Variants in MAGEA4 observed in about 807,000 individuals in gnomAD.
The protein encoded by MAGEA4 is MAGE family member A4, also known as melanoma-associated antigen 4.
A neutral mutation model predicts 13.7 loss-of-function variants in MAGEA4; 1 was observed. The observed-to-expected ratio is 0.07, with a 90% confidence interval of 0.03 to 0.35. The LOEUF is 0.35. Ranked by LOEUF, MAGEA4 falls within the 10% of genes least tolerant of loss-of-function variation. The pLI is 0.99. For synonymous variants in MAGEA4, 132 were observed against 101.1 expected, an observed-to-expected ratio of 1.31 and a Z score of -1.83; for missense variants, 312 against 245.1, an observed-to-expected ratio of 1.27 and a Z score of -1.82.
chrX:151,919,185 C>T (rs1338331303), intron 1 of MAGEA4: 1 of 324,195 alleles, frequency 3.1e-6, no homozygotes, highest in Admixed American at 9.7e-5. Flanking sequence ...TCTGAAGTCA[C>T]ATGGGACTCT....
At chrX:151,923,356 C>G in intron 1 of MAGEA4, 97 bp from the exon 2 acceptor site, 1 of 637,150 alleles carries the variant, frequency 1.6e-6, no homozygotes, top group Non-Finnish European at 2.3e-6. Flanking sequence ...ACATAGGACT[C>G]CAAAGAGTCT....
upstream of MAGEA4, chrX:151,912,882 G>A: frequency 7.6e-6 from 1 of 131,639 alleles, no homozygotes; most frequent in South Asian, 2.1e-4. Context: ...CTTGCGCACT[G>A]GGGGTTAGAG....
At position 151,924,104 on chromosome X, in the gene MAGEA4, G is replaced by A; in HGVS notation, c.440G>A (p.Cys147Tyr). 8.2e-7 allele frequency: 1 copy of A among 1,212,172 alleles called. No homozygotes were observed. Among genetic ancestry groups the A allele is most frequent in the Non-Finnish European group, 1.1e-6 (1 of 895,662 alleles). The stretch of plus-strand genomic sequence containing the variant: ...AGAGTCATCAAAAATTACAAGCGCT[G>A]CTTTCCTGTGATCTTCGGCAAAGCC... ...LERVIKNYKR[C>Y]FPVIFGKASE... is the part of the protein sequence containing the mutation. The change falls in exon 3 of 3, where the codon TGC becomes TAC. Residue 147 changes from cysteine (C) to tyrosine (Y), a missense_variant. By Grantham distance (194) the Cys-to-Tyr change is radical (BLOSUM62 -2). Coordinates refer to ENST00000276344, the MANE Select transcript of MAGEA4 (RefSeq NM_001011548.1).
Position 151,923,808 on chromosome X carries a change from T to A in MAGEA4, c.144T>A (p.Pro48=). 8.3e-7 allele frequency: 1 copy of A among 1,209,054 alleles called. No individual in the cohort carries two copies. ...AAVSSSSPLV[P]GTLEEVPAAE... ...TCTCCTCCTCCTCTCCTCTGGTCCC[T>A]GGCACCCTGGAGGAAGTGCCTGCTG... The change falls in exon 3 of 3, where the codon CCT becomes CCA. Residue 48 remains proline (P), a synonymous_variant. Coordinates refer to ENST00000276344, the MANE Select transcript of MAGEA4 (RefSeq NM_001011548.1).
At chrX:151,923,418 T>C in intron 1 of MAGEA4, 35 bp from the exon 2 acceptor site, 4 of 1,134,039 alleles carry the variant, frequency 3.5e-6, no homozygotes, top group Non-Finnish European at 4.7e-6. Context: ...GCTGGCCGGC[T>C]ATACCCTGAG....
chrX:151,921,031 G>A (rs1435896518), intron 1 of MAGEA4, among the ~76,000 whole-genome samples: 1 of 112,059 alleles, frequency 8.9e-6, no homozygotes, highest in Non-Finnish European at 1.9e-5. Context: ...GATCAGGGAA[G>A]GGCTGGTTAG....
Position 151,923,594 on chromosome X carries a change from C to A in MAGEA4, c.-65-6C>A. ...GAGGTCTCTCACATGCTCCCTCTCTCCGTAGGCCTGTGGGTCCCCATTGCC... is the reference window on the plus strand; with the variant it reads ...GAGGTCTCTCACATGCTCCCTCTCTACGTAGGCCTGTGGGTCCCCATTGCC... On this transcript the variant is annotated splice_region_variant and splice_polypyrimidine_tract_variant and intron_variant, in intron 2 of 2. Transcript: ENST00000276344. The A allele has an allele frequency of 8.3e-7, 1 of 1,210,929 alleles. No individual in the cohort carries two copies. Among genetic ancestry groups the A allele is most frequent in the Non-Finnish European group, 1.1e-6 (1 of 895,370 alleles).
At position 151,923,992 on chromosome X, in the gene MAGEA4, C is replaced by G. The variant is rs1444188064; in HGVS notation, c.328C>G (p.Leu110Val). The G allele has an allele frequency of 1.7e-6, 2 of 1,210,664 alleles. No homozygotes were observed. The highest frequency in any genetic ancestry group is 1.1e-6 in the Non-Finnish European group (1 of 895,350). ...PDAESLFREA[L>V]SNKVDELAHF... ...CGCAGAGTCCTTGTTCCGAGAAGCACTCAGTAACAAGGTGGATGAGTTGGC... is the reference window on the plus strand; with the variant it reads ...CGCAGAGTCCTTGTTCCGAGAAGCAGTCAGTAACAAGGTGGATGAGTTGGC... The change falls in exon 3 of 3, where the codon CTC becomes GTC. Residue 110 changes from leucine (L) to valine (V), a missense_variant. By Grantham distance (32) the Leu-to-Val change is conservative. Coordinates refer to ENST00000276344, the MANE Select transcript of MAGEA4 (RefSeq NM_001011548.1).
intron 1 of MAGEA4, among the ~76,000 whole-genome samples, 198 bp from the exon 2 acceptor site, chrX:151,923,255 T>C (rs1294968462): frequency 1.8e-5 from 2 of 112,256 alleles, no homozygotes; most frequent in East Asian, 5.6e-4. Flanking sequence ...TGAGACAGTG[T>C]CCTCAGGTTA....
intron 1 of MAGEA4, chrX:151,918,914 C>G (rs1284336365): frequency 1.4e-6 from 1 of 734,014 alleles, no homozygotes; most frequent in Non-Finnish European, 1.6e-6. Context: ...CCCAAGAAAG[C>G]CCCAGGGGCC....
chrX:151,920,943 T>G (rs2124102988), intron 1 of MAGEA4, among the ~76,000 whole-genome samples: 1 of 110,520 alleles, frequency 9.0e-6, no homozygotes, highest in South Asian at 3.9e-4. Context: ...CTTCTCAGAC[T>G]GGGCTGCTCC....
intron 1 of MAGEA4, 44 bp from the exon 2 acceptor site, chrX:151,923,409 C>T (rs752353797): frequency 1.8e-6 from 2 of 1,092,727 alleles, no homozygotes; most frequent in Non-Finnish European, 2.5e-6. Flanking sequence ...TCGACCTCTG[C>T]TGGCCGGCTA....
Position 151,923,802 on chromosome X carries a change from G to A in MAGEA4, c.138G>A (p.Leu46=). 8.3e-7 allele frequency: 1 copy of A among 1,208,821 alleles called. No homozygotes were observed. The highest frequency in any genetic ancestry group is 1.8e-5 in the South Asian group (1 of 56,474). Residue 46 remains leucine (L), a synonymous_variant, in exon 3 of 3, where the codon CTG becomes CTA. Transcript: ENST00000276344. ...QEAAVSSSSP[L]VPGTLEEVPA... ...CTGCTGTCTCCTCCTCCTCTCCTCT[G>A]GTCCCTGGCACCCTGGAGGAAGTGC...
chrX:151,921,726 C>T (rs959156751), intron 1 of MAGEA4, among the ~76,000 whole-genome samples: 4 of 112,005 alleles, frequency 3.6e-5, no homozygotes, highest in Non-Finnish European at 7.5e-5. Context: ...ACATCCACAT[C>T]GAGGGCTGAA....
In MAGEA4 at chrX:151,924,795, T is replaced by C; in HGVS notation, c.*177T>C. On this transcript the variant is annotated 3_prime_UTR_variant, in exon 3 of 3. Coordinates refer to ENST00000276344, the MANE Select transcript of MAGEA4 (RefSeq NM_001011548.1). ...CTATTTTGTTGGATGACTTGGAGATTTATCTCTGTTTCCTTTTACAATTGT... is the reference window on the plus strand; with the variant it reads ...CTATTTTGTTGGATGACTTGGAGATCTATCTCTGTTTCCTTTTACAATTGT... 2.3e-6 allele frequency: 1 copy of C among 428,932 alleles called. No individual in the cohort carries two copies. The highest frequency in any genetic ancestry group is 3.8e-6 in the Non-Finnish European group (1 of 261,805). 35.3% of individuals were successfully genotyped at this position (428,932 alleles called of 1,213,427 possible). A position where few individuals can be genotyped will look rare whatever the true frequency, so the allele number is the denominator to read the frequency against.
intron 1 of MAGEA4, among the ~76,000 whole-genome samples, chrX:151,922,218 A>C (rs898160915): frequency 2.7e-5 from 3 of 111,717 alleles, no homozygotes; most frequent in Non-Finnish European, 5.7e-5. Flanking sequence ...ACGGGACCCC[A>C]CAGAGTCTGG....
chrX:151,919,559 C>G (rs1933302858), intron 1 of MAGEA4: 33 of 632,102 alleles, frequency 5.2e-5, no homozygotes, highest in Non-Finnish European at 5.8e-5. Context: ...CCCATCCACG[C>G]TGAATCGGGT....
intron 1 of MAGEA4, among the ~76,000 whole-genome samples, chrX:151,921,441 G>A (rs1933433769): frequency 8.9e-6 from 1 of 112,122 alleles, no homozygotes; most frequent in African/African-American, 3.2e-5. Flanking sequence ...TGGACCACCC[G>A]GGGGAAGACT....
intron 1 of MAGEA4, among the ~76,000 whole-genome samples, chrX:151,922,243 TAGCTC>T (rs747605766): frequency 2.3e-4 from 26 of 111,515 alleles, no homozygotes; most frequent in African/African-American, 8.1e-4. Context: ...CCCCTGTTCT[TAGCTC>T]AGGGGGGACC....
Sources: allele counts gnomAD v4.1 joint callset (sites outside exome capture counted in the v4.1 genomes callset), GRCh38; gene constraint gnomAD v4.1.1; transcripts MANE v1.5; gene names NCBI Gene and HGNC (gene_info 2026-07-23, HGNC 2026-07-21).